The following PDE3A variants were observed in gnomAD, a reference collection of about 807,000 sequenced individuals.
The protein encoded by PDE3A is cGMP-inhibited 3',5'-cyclic phosphodiesterase 3A.
A neutral mutation model predicts 98.3 loss-of-function variants in PDE3A; 43 were observed. That is an observed-to-expected ratio of 0.44 (90% CI 0.34 to 0.56). PDE3A has a LOEUF of 0.56. Ranked by LOEUF, PDE3A falls within the 20% of genes least tolerant of loss-of-function variation. The pLI, the probability that PDE3A is intolerant of heterozygous loss-of-function variation, is 0.01. For synonymous variants in PDE3A, 663 were observed against 567.9 expected (o/e 1.17, Z -2.38); for missense variants, 1,427 against 1,440.7 (o/e 0.99, Z 0.15).
intron 5 of PDE3A, among the ~76,000 whole-genome samples, chr12:20,625,326 T>A (rs1189700686): frequency 6.6e-6 from 1 of 152,226 alleles, no homozygotes; most frequent in Non-Finnish European, 1.5e-5. Context: ...TATTCTGCTT[T>A]AAAAATTCCT....
chr12:20,574,789 T>C (rs1456966062), intron 2 of PDE3A, among the ~76,000 whole-genome samples: 1 of 151,962 alleles, frequency 6.6e-6, no homozygotes, highest in African/African-American at 2.4e-5. Flanking sequence ...GTCCCTAATA[T>C]AGCAATATGT....
intron 1 of PDE3A, among the ~76,000 whole-genome samples, chr12:20,480,496 A>C (rs768099088): frequency 1.1e-4 from 16 of 152,198 alleles, no homozygotes; most frequent in African/African-American, 3.6e-4. Context: ...TTTTTCTAAA[A>C]ATGTTATTTC....
At chr12:20,641,448 C>T (rs911257297) in intron 10 of PDE3A, among the ~76,000 whole-genome samples, 3 of 151,882 alleles carry the variant, frequency 2.0e-5, no homozygotes, top group African/African-American at 7.3e-5. Context: ...CACGATTTCT[C>T]GAAGGTCAAG....
chr12:20,563,110 G>T (rs1395656895), intron 2 of PDE3A, among the ~76,000 whole-genome samples: 1 of 152,132 alleles, frequency 6.6e-6, no homozygotes, highest in East Asian at 1.9e-4. Flanking sequence ...TCTCAAGGAT[G>T]AATTTTGATG....
intron 1 of PDE3A, among the ~76,000 whole-genome samples, chr12:20,455,190 G>A (rs1945133991): frequency 6.6e-6 from 1 of 152,158 alleles, no homozygotes; most frequent in African/African-American, 2.4e-5. Context: ...TTGTGGTTTT[G>A]ATTTGCATTT....
intron 1 of PDE3A, among the ~76,000 whole-genome samples, chr12:20,435,134 C>T (rs928242083): frequency 4.6e-5 from 7 of 152,124 alleles, no homozygotes; most frequent in Non-Finnish European, 1.0e-4. Flanking sequence ...TCCTGGGGGG[C>T]CTTGAACTTG....
intron 1 of PDE3A, among the ~76,000 whole-genome samples, chr12:20,536,233 A>G (rs1941744871): frequency 6.6e-6 from 1 of 152,120 alleles, no homozygotes; most frequent in South Asian, 2.1e-4. Context: ...AGTTAGTTAT[A>G]ATTCCCTACT....
intron 6 of PDE3A, among the ~76,000 whole-genome samples, chr12:20,630,512 T>C (rs184111407): frequency 2.9e-4 from 44 of 152,324 alleles, no homozygotes; most frequent in African/African-American, 1.0e-3. Context: ...ACATTGATAT[T>C]AGGCATATTT....
chr12:20,512,761 A>T (rs1946251085), intron 1 of PDE3A, among the ~76,000 whole-genome samples: 2 of 152,124 alleles, frequency 1.3e-5, no homozygotes, highest in South Asian at 2.1e-4. Context: ...GTTACGTTAG[A>T]TAGTGTCCTA....
Position 20,669,502 on chromosome 12 carries a change from C to T in PDE3A, c.3185-10528C>T, listed in dbSNP as rs1322599242. 2.0e-5 allele frequency among the ~76,000 whole-genome samples: 3 copies of T among 151,768 alleles called. No individual in the cohort carries two copies. The East Asian group carries it at 5.8e-4, about 29-fold the overall frequency. The stretch of plus-strand genomic sequence containing the variant: ...CCCATCAGACTAACAGCAGATCTCT[C>T]GGCAGAAACCCTACAAGCCAGAAGA... On this transcript the variant is annotated intron_variant, in intron 15 of 15. Transcript: ENST00000359062.
intron 15 of PDE3A, among the ~76,000 whole-genome samples, chr12:20,670,192 A>C (rs1444278566): frequency 6.6e-6 from 1 of 150,652 alleles, no homozygotes; most frequent in Non-Finnish European, 1.5e-5. Flanking sequence ...ACCAAGATTC[A>C]TAAAGCAAGT....
intron 1 of PDE3A, among the ~76,000 whole-genome samples, chr12:20,477,586 A>T (rs557800641): frequency 1.3e-5 from 2 of 152,334 alleles, no homozygotes; most frequent in Non-Finnish European, 2.9e-5. Context: ...ACGGATTTTT[A>T]AAAATAACCT....
At chr12:20,378,626 A>G (rs913887550) in intron 1 of PDE3A, among the ~76,000 whole-genome samples, 6 of 151,786 alleles carry the variant, frequency 4.0e-5, no homozygotes, top group African/African-American at 1.2e-4. Context: ...AAATGAAATA[A>G]TGTGGATGCT....
intron 2 of PDE3A, chr12:20,571,969 C>A: frequency 9.4e-7 from 1 of 1,062,028 alleles, no homozygotes; most frequent in Non-Finnish European, 1.1e-6. Flanking sequence ...ACAGAACTTT[C>A]ATTTAACCTA....
chr12:20,443,783 T>A lies in PDE3A; in HGVS notation c.960+73539T>A, dbSNP rs141727352. The stretch of plus-strand genomic sequence containing the variant: ...AGAGAAATAGGTATTATTCTACTTA[T>A]TTTCGTTTAGCAAATTTTCTTATGG... On this transcript the variant is annotated intron_variant, in intron 1 of 15. Coordinates refer to ENST00000359062, the MANE Select transcript of PDE3A (RefSeq NM_000921.5). 5.6e-4 allele frequency among the ~76,000 whole-genome samples: 86 copies of A among 152,320 alleles called. No homozygotes were observed. In the East Asian group the frequency reaches 0.016, roughly 29 times the overall value.
intron 4 of PDE3A, among the ~76,000 whole-genome samples, chr12:20,619,013 C>T (rs1944074037): frequency 6.6e-6 from 1 of 152,016 alleles, no homozygotes. Flanking sequence ...TAAAGCCTTT[C>T]CTAAGCTGTT....
intron 15 of PDE3A, among the ~76,000 whole-genome samples, chr12:20,670,024 C>CAA (rs577579959): frequency 0.02 from 2,964 of 149,322 alleles, 78 homozygotes; most frequent in African/African-American, 0.069. Context: ...AAATGGAAAA[C>CAA]AAAAAAAGGC....
intron 1 of PDE3A, among the ~76,000 whole-genome samples, chr12:20,492,663 A>T (rs1418325631): frequency 1.3e-5 from 2 of 152,052 alleles, no homozygotes; most frequent in East Asian, 3.9e-4. Flanking sequence ...TGGGTAGAGA[A>T]ATGCAGCCAC....
chr12:20,635,063 C>A lies in PDE3A; in HGVS notation c.2001+7C>A. The A allele has an allele frequency of 6.2e-7, 1 of 1,605,546 alleles. No homozygotes were observed. The highest frequency in any genetic ancestry group is 8.5e-7 in the Non-Finnish European group (1 of 1,175,588). On this transcript the variant is annotated splice_region_variant and intron_variant, in intron 8 of 15. Coordinates refer to ENST00000359062, the MANE Select transcript of PDE3A (RefSeq NM_000921.5). ...TGAGACCATGATGTTTCTGGTAGTC[C>A]CATATCACTTAACTCACTCATTTAC...
Sources: allele counts gnomAD v4.1 joint callset (sites outside exome capture counted in the v4.1 genomes callset), GRCh38; gene constraint gnomAD v4.1.1; transcripts MANE v1.5; gene names NCBI Gene and HGNC (gene_info 2026-07-23, HGNC 2026-07-21).